ZNF780A: variants seen among roughly 807,000 people sequenced by gnomAD.
The protein encoded by ZNF780A is zinc finger protein 780A.
Under a neutral mutation model 56.7 loss-of-function variants are expected in ZNF780A, and 40 were observed. That is an observed-to-expected ratio of 0.71 (90% CI 0.55 to 0.92). The LOEUF is 0.92. Among genes scored for constraint, ZNF780A ranks in the 40% least tolerant of loss-of-function variants. The pLI is 0.00. For synonymous variants in ZNF780A, 231 were observed against 248.3 expected, an observed-to-expected ratio of 0.93 and a Z score of 0.66; for missense variants, 672 against 783.3, an observed-to-expected ratio of 0.86 and a Z score of 1.70.
chr19:40,086,427 C>G (rs1162836496), intron 2 of ZNF780A, among the ~76,000 whole-genome samples: 8 of 152,172 alleles, frequency 5.3e-5, no homozygotes. Context: ...TCAGCTAGTT[C>G]TAATATCCTT....
At chr19:40,089,722 T>C (rs1975034613) in intron 2 of ZNF780A, among the ~76,000 whole-genome samples, 1 of 152,084 alleles carries the variant, frequency 6.6e-6, no homozygotes. Context: ...TATCATCTCA[T>C]GGACTCCCTG....
chr19:40,079,192 T>C (rs1270713731), intron 5 of ZNF780A, among the ~76,000 whole-genome samples: 1 of 152,080 alleles, frequency 6.6e-6, no homozygotes, highest in Admixed American at 6.5e-5. Context: ...AATAGCTATA[T>C]TTATATCAGA....
chr19:40,071,242 T>C (rs937581059), downstream of ZNF780A: 7 of 152,206 alleles, frequency 4.6e-5, no homozygotes, highest in African/African-American at 1.2e-4. Flanking sequence ...AGGATTATTA[T>C]TGATCTTTAA....
chr19:40,083,621 G>A (rs1193680411), intron 3 of ZNF780A, among the ~76,000 whole-genome samples: 4 of 143,990 alleles, frequency 2.8e-5, no homozygotes, highest in African/African-American at 1.0e-4. Flanking sequence ...CTGTGATCAC[G>A]CCACTGCACT....
At position 40,082,877 on chromosome 19, in the gene ZNF780A, A is replaced by T. The variant is rs1335435866; in HGVS notation, c.136+234T>A. 2.0e-5 allele frequency among the ~76,000 whole-genome samples: 3 copies of T among 152,200 alleles called. No homozygotes were observed. The South Asian group carries it at 6.2e-4, about 32-fold the overall frequency. ...CAAATTCAGCCCCATGGTCATGAAG[A>T]GAGAGGCAATTACAGAGAGGACCAG... On this transcript the variant is annotated intron_variant, in intron 4 of 5. Coordinates refer to ENST00000683561, the MANE Select transcript of ZNF780A (RefSeq NM_001142578.2).
rs745329267 is a variant in ZNF780A, at chr19:40,075,306, T to C, written c.1136A>G (p.His379Arg). Residue 379 changes from histidine (H) to arginine (R), a missense_variant, in exon 6 of 6, where the codon CAT becomes CGT. Transcript: ENST00000683561. ...AFSLLNQLNR[H>R]KNIHTGEKPF... ...TTTTTCACCTGTGTGAATGTTCTTA[T>C]GGCGATTAAGCTGGTTGAGAAGACT... 1 of 1,613,868 alleles carries C rather than the reference T, an allele frequency of 6.2e-7. No homozygotes were observed. The highest frequency in any genetic ancestry group is 8.5e-7 in the Non-Finnish European group (1 of 1,180,018).
At chr19:40,083,348 A>G (rs1599847106) in intron 3 of ZNF780A, 111 bp from the exon 4 acceptor site, 1 of 1,497,224 alleles carries the variant, frequency 6.7e-7, no homozygotes, top group Non-Finnish European at 9.0e-7. Context: ...GGAAATTCAC[A>G]GAGTGCCTGC....
rs1484807289 is a variant in ZNF780A at position 40,083,325 on chromosome 19, A to G, written c.10-88T>C. On this transcript the variant is annotated intron_variant, in intron 3 of 5. Coordinates refer to ENST00000683561, the MANE Select transcript of ZNF780A (RefSeq NM_001142578.2). ...AGGAAGTGAAGGAGTGTAGTGTAAG[A>G]AAAAAGCAATATGGAAATTCACAGA... The G allele has an allele frequency of 5.1e-6, 8 of 1,560,432 alleles. No individual in the cohort carries two copies. In the Admixed American group the frequency reaches 1.6e-4, roughly 31 times the overall value.
In ZNF780A at chr19:40,075,051, G is replaced by C; in HGVS notation, c.1391C>G (p.Ser464Cys). ...TGGCTTGTCACCAGTATGAATTCGA[G>C]AATGTTCAATAAGTTGGCAATGATA... Reference protein sequence around the residue: ...FRYHCQLIEHSRIHTGDKPFE... With the variant: ...FRYHCQLIEHCRIHTGDKPFE... The change falls in exon 6 of 6, where the codon TCT (serine) becomes TGT (cysteine). Residue 464 changes from serine (S) to cysteine (C), a missense_variant. Coordinates refer to ENST00000683561, the MANE Select transcript of ZNF780A (RefSeq NM_001142578.2). 1.2e-6 allele frequency: 2 copies of C among 1,613,932 alleles called. No homozygotes were observed. Among genetic ancestry groups the C allele is most frequent in the South Asian group, 1.1e-5 (1 of 91,070 alleles).
chr19:40,075,825 A>G lies in ZNF780A; in HGVS notation c.617T>C (p.Ile206Thr). 6.2e-7 allele frequency: 1 copy of G among 1,613,110 alleles called. No individual in the cohort carries two copies. The highest frequency in any genetic ancestry group is 1.1e-5 in the South Asian group (1 of 90,984). Reference sequence around the variant, plus strand: ...AAATTTCTGATGTCGAGTAAATTGTATGTGAAGTCGAAAGGCTTTCCCACA... The same window carrying G: ...AAATTTCTGATGTCGAGTAAATTGTGTGTGAAGTCGAAAGGCTTTCCCACA... ...KECGKAFRLH[I>T]QFTRHQKFHT... Residue 206 changes from isoleucine (I) to threonine (T), a missense_variant, in exon 6 of 6, where the codon ATA becomes ACA. Physicochemically the swap from Ile to Thr is moderately conservative, Grantham distance 89 (BLOSUM62 -1). Coordinates refer to ENST00000683561, the MANE Select transcript of ZNF780A (RefSeq NM_001142578.2).
At chr19:40,082,816 T>C (rs1974554962) in intron 4 of ZNF780A, among the ~76,000 whole-genome samples, 1 of 152,178 alleles carries the variant, frequency 6.6e-6, no homozygotes, top group Non-Finnish European at 1.5e-5. Context: ...GAAATCTGGT[T>C]CTTAGACAAT....
At chr19:40,080,135 A>C (rs1974388271) in intron 5 of ZNF780A, among the ~76,000 whole-genome samples, 1 of 152,164 alleles carries the variant, frequency 6.6e-6, no homozygotes, top group South Asian at 2.1e-4. Flanking sequence ...CAGGCCAATG[A>C]GTAATGAGAT....
chr19:40,090,857 A>G (rs932178597), intron 1 of ZNF780A, 49 bp downstream of exon 1: 2 of 152,354 alleles, frequency 1.3e-5, no homozygotes, highest in Non-Finnish European at 2.9e-5. Flanking sequence ...CCCAATCCGC[A>G]GAGATCTCCC....
In ZNF780A at chr19:40,073,213, G is replaced by T; in HGVS notation, c.*1303C>A. 2 of 639,268 alleles carry T rather than the reference G, an allele frequency of 3.1e-6. No homozygotes were observed. The highest frequency in any genetic ancestry group is 5.0e-5 in the South Asian group (1 of 19,902). 39.6% of individuals were successfully genotyped at this position (639,268 alleles called of 1,614,324 possible). A position where few individuals can be genotyped will look rare whatever the true frequency, so the allele number is the denominator to read the frequency against. On this transcript the variant is annotated 3_prime_UTR_variant, in exon 6 of 6. Coordinates refer to ENST00000683561, the MANE Select transcript of ZNF780A (RefSeq NM_001142578.2). Reference sequence around the variant, plus strand: ...TGAATCTAGGTTGGGGTATATGATTGTATATTTGACTATTCTTTCAAAACC... The same window carrying T: ...TGAATCTAGGTTGGGGTATATGATTTTATATTTGACTATTCTTTCAAAACC...
At position 40,073,935 on chromosome 19, in the gene ZNF780A, C is replaced by T. The variant is rs427461; in HGVS notation, c.*581G>A. 3.9e-6 allele frequency: 4 copies of T among 1,029,602 alleles called. No homozygotes were observed. The highest frequency in any genetic ancestry group is 4.7e-6 in the Non-Finnish European group (4 of 854,850). 63.8% of individuals were successfully genotyped at this position (1,029,602 alleles called of 1,614,324 possible). On this transcript the variant is annotated 3_prime_UTR_variant, in exon 6 of 6. Transcript: ENST00000683561. The stretch of plus-strand genomic sequence containing the variant: ...CTTTCCCATATTCCTTACATTATAG[C>T]GTTTCTCACCAGTATGAATTTTAAC...
At position 40,079,045 on chromosome 19, in the gene ZNF780A, GATGGA is replaced by G. The variant is rs377288593; in HGVS notation, c.232+2769_232+2773del. ...TTAAACTTTTCATCTAAAAGATATA[GATGGA>G]ATGGATTTTTTAAAAAGTGACCCAA... On this transcript the variant is annotated intron_variant, in intron 5 of 5. Coordinates refer to ENST00000683561, the MANE Select transcript of ZNF780A (RefSeq NM_001142578.2). 3.8e-4 allele frequency among the ~76,000 whole-genome samples: 58 copies of G among 152,220 alleles called. No individual in the cohort carries two copies. In the East Asian group the frequency reaches 8.9e-3, roughly 23 times the overall value.
chr19:40,081,260 C>T lies in ZNF780A; in HGVS notation c.232+559G>A, dbSNP rs147366409. Among the ~76,000 whole-genome samples the T allele has an allele frequency of 8.6e-5, 13 of 151,620 alleles. No individual in the cohort carries two copies. In the East Asian group the frequency reaches 1.9e-3, roughly 23 times the overall value. On this transcript the variant is annotated intron_variant, in intron 5 of 5. Transcript: ENST00000683561. ...AAAAAGTTGGCAAATGGGCTGGGCA[C>T]GATGGCTCACACCTGTAATCCCAGG... is the stretch of plus-strand genomic sequence containing the variant.
At chr19:40,083,353 G>A in intron 3 of ZNF780A, 116 bp from the exon 4 acceptor site, 1 of 1,468,098 alleles carries the variant, frequency 6.8e-7, no homozygotes, top group East Asian at 2.4e-5. Context: ...TTCACAGAGT[G>A]CCTGCACATT....
rs1168489001 is a variant in ZNF780A, at chr19:40,074,521, A to T, written c.1921T>A (p.Ser641Thr). The change falls in exon 6 of 6, where the codon TCT (serine) becomes ACT (threonine). Residue 641 changes from serine (S) to threonine (T), a missense_variant. Ser to Thr is a moderately conservative substitution (Grantham distance 58). Coordinates refer to ENST00000683561, the MANE Select transcript of ZNF780A (RefSeq NM_001142578.2). ...HKNIHTGEKA[S>T] ...ACTTTCCACATTCCTTACATTCAAGATGCCTTCTCACCTGTGTGAATGTTC... is the reference window on the plus strand; with the variant it reads ...ACTTTCCACATTCCTTACATTCAAGTTGCCTTCTCACCTGTGTGAATGTTC... The T allele has an allele frequency of 6.2e-7, 1 of 1,613,590 alleles. No individual in the cohort carries two copies. Among genetic ancestry groups the T allele is most frequent in the South Asian group, 1.1e-5 (1 of 91,006 alleles).
Sources: gnomAD v4.1 joint callset for allele counts (sites outside exome capture counted in the v4.1 genomes callset) on GRCh38, gnomAD v4.1.1 for gene constraint, MANE v1.5 for transcripts, NCBI Gene and HGNC (gene_info 2026-07-23, HGNC 2026-07-21) for gene names.